CMTM7: variants seen among roughly 807,000 people sequenced by gnomAD.
CMTM7 encodes the protein CKLF like MARVEL transmembrane domain containing 7.
A neutral mutation model predicts 19.3 loss-of-function variants in CMTM7; 7 were observed. That is an observed-to-expected ratio of 0.36 (90% CI 0.21 to 0.68). CMTM7 has a LOEUF of 0.68. Among genes scored for constraint, CMTM7 ranks in the 30% least tolerant of loss-of-function variants. The probability of loss-of-function intolerance (pLI) is 0.60; values close to 1 mark genes in which losing one functional copy is unlikely to be tolerated. For missense variants in CMTM7, 193 were observed against 232.6 expected (o/e 0.83, Z 1.11); for synonymous variants, 87 against 99.3 (o/e 0.88, Z 0.74).
chr3:32,406,747 G>A (rs1696097073), intron 1 of CMTM7, among the ~76,000 whole-genome samples: 1 of 152,196 alleles, frequency 6.6e-6, no homozygotes, highest in South Asian at 2.1e-4. Flanking sequence ...AGGAAAGTAA[G>A]CAAGGGTAGA....
At chr3:32,416,220 C>T (rs1575113892) in intron 1 of CMTM7, among the ~76,000 whole-genome samples, 1 of 139,192 alleles carries the variant, frequency 7.2e-6, no homozygotes, top group Non-Finnish European at 1.6e-5. Flanking sequence ...GTTTTTGAGA[C>T]AGAGTCTTGC....
chr3:32,403,512 G>A (rs374920535), intron 1 of CMTM7, among the ~76,000 whole-genome samples: 7 of 152,166 alleles, frequency 4.6e-5, no homozygotes, highest in African/African-American at 7.2e-5. Context: ...GGTGCCGGCC[G>A]GGCTAGGTGT....
intron 1 of CMTM7, among the ~76,000 whole-genome samples, chr3:32,401,185 G>A (rs1240756410): frequency 6.6e-6 from 1 of 152,194 alleles, no homozygotes; most frequent in Non-Finnish European, 1.5e-5. Context: ...TTAAGTGATG[G>A]CCACAGTATC....
At chr3:32,446,731 G>C (rs1349027915) in intron 2 of CMTM7, among the ~76,000 whole-genome samples, 1 of 152,110 alleles carries the variant, frequency 6.6e-6, no homozygotes, top group Non-Finnish European at 1.5e-5. Flanking sequence ...TGCTCTGTTA[G>C]TTCCCATGAG....
chr3:32,430,289 G>C (rs1251493251), intron 1 of CMTM7, among the ~76,000 whole-genome samples: 1 of 152,128 alleles, frequency 6.6e-6, no homozygotes, highest in African/African-American at 2.4e-5. Context: ...ATTACATAAT[G>C]TGTATAAATT....
At chr3:32,394,927 C>T (rs1695892542) in intron 1 of CMTM7, among the ~76,000 whole-genome samples, 1 of 151,672 alleles carries the variant, frequency 6.6e-6, no homozygotes, top group South Asian at 2.1e-4. Context: ...ATCTCTTGAC[C>T]TCATGATCCG....
intron 1 of CMTM7, among the ~76,000 whole-genome samples, chr3:32,416,349 CCATCCG>C (rs1696262039): frequency 6.8e-6 from 1 of 147,396 alleles, no homozygotes. Flanking sequence ...ACGTGCGCCA[CCATCCG>C]GGCTAATTTT....
chr3:32,405,516 G>T (rs550389422), intron 1 of CMTM7, among the ~76,000 whole-genome samples: 2 of 152,308 alleles, frequency 1.3e-5, no homozygotes, highest in African/African-American at 2.4e-5. Context: ...ACATGCAGGA[G>T]CTCATTCATC....
chr3:32,452,925 T>A (rs1696858919), intron 4 of CMTM7, among the ~76,000 whole-genome samples: 1 of 93,092 alleles, frequency 1.1e-5, no homozygotes, highest in Non-Finnish European at 2.1e-5. Context: ...TTCAATTTTT[T>A]TTTTTTTTTT....
intron 1 of CMTM7, among the ~76,000 whole-genome samples, chr3:32,426,925 A>G (rs1402726573): frequency 6.6e-6 from 1 of 152,222 alleles, no homozygotes; most frequent in African/African-American, 2.4e-5. Flanking sequence ...TACTTATTAT[A>G]TACTTTATGA....
At chr3:32,426,220 A>T (rs1199081378) in intron 1 of CMTM7, among the ~76,000 whole-genome samples, 1 of 151,944 alleles carries the variant, frequency 6.6e-6, no homozygotes, top group East Asian at 1.9e-4. Flanking sequence ...CTAACCTAAA[A>T]CCCTGAGTTA....
rs185457404 is a variant in CMTM7 at position 32,443,706 on chromosome 3, T to C, written c.333+1693T>C. ...CCAGGAGTGTATGAAGGTTCCAGTTTCACAACATCTTTGCCAACACTTATT... is the reference window on the plus strand; with the variant it reads ...CCAGGAGTGTATGAAGGTTCCAGTTCCACAACATCTTTGCCAACACTTATT... On this transcript the variant is annotated intron_variant, in intron 2 of 4. Coordinates refer to ENST00000334983, the MANE Select transcript of CMTM7 (RefSeq NM_138410.4). 4.2e-3 allele frequency among the ~76,000 whole-genome samples: 637 copies of C among 152,330 alleles called. 5 individuals carry two copies. The highest frequency in any genetic ancestry group is 6.2e-3 in the South Asian group (30 of 4,828).
chr3:32,416,547 C>T (rs1459593719), intron 1 of CMTM7, among the ~76,000 whole-genome samples: 3 of 148,484 alleles, frequency 2.0e-5, no homozygotes, highest in Non-Finnish European at 4.5e-5. Flanking sequence ...CCCGCCACCG[C>T]GCCCGGCTAA....
At chr3:32,437,687 T>A (rs548534519) in intron 1 of CMTM7, among the ~76,000 whole-genome samples, 37 of 152,080 alleles carry the variant, frequency 2.4e-4, no homozygotes, top group Non-Finnish European at 4.6e-4. Context: ...GGTCAGGAGA[T>A]CGAGACTCTC....
At chr3:32,452,133 C>T (rs1299770425) in intron 3 of CMTM7, 2 of 1,474,054 alleles carry the variant, frequency 1.4e-6, no homozygotes, top group South Asian at 2.4e-5. Context: ...GGCACTGAAG[C>T]TGCCAAGAGT....
intron 3 of CMTM7, chr3:32,451,999 T>C (rs1312332696): frequency 9.4e-6 from 10 of 1,060,944 alleles, no homozygotes; most frequent in Non-Finnish European, 1.3e-5. Flanking sequence ...ACACCACAAA[T>C]CATGGGAACG....
chr3:32,436,289 CCAG>C (rs1696596962), intron 1 of CMTM7, among the ~76,000 whole-genome samples: 1 of 152,136 alleles, frequency 6.6e-6, no homozygotes, highest in Non-Finnish European at 1.5e-5. Flanking sequence ...GGTTTCTCAG[CCAG>C]TGGGTGTCAA....
intron 1 of CMTM7, among the ~76,000 whole-genome samples, chr3:32,423,721 G>A (rs1696380946): frequency 6.6e-6 from 1 of 152,190 alleles, no homozygotes; most frequent in African/African-American, 2.4e-5. Context: ...CCACCAGGGT[G>A]GTTTCATTCT....
chr3:32,444,446 T>C (rs1444479300), intron 2 of CMTM7, among the ~76,000 whole-genome samples: 2 of 152,252 alleles, frequency 1.3e-5, no homozygotes, highest in African/African-American at 2.4e-5. Context: ...TATCACACTA[T>C]TTTGATTACT....
Sources: allele counts gnomAD v4.1 joint callset (sites outside exome capture counted in the v4.1 genomes callset), GRCh38; gene constraint gnomAD v4.1.1; transcripts MANE v1.5; gene names NCBI Gene and HGNC (gene_info 2026-07-23, HGNC 2026-07-21).